Variants in PRKG1 observed in about 807,000 individuals in gnomAD.
PRKG1 encodes cGMP-dependent protein kinase 1.
Under a neutral mutation model 88.1 loss-of-function variants are expected in PRKG1, and 35 were observed. The ratio of observed to expected loss-of-function variants is 0.40; its 90% CI spans 0.30 to 0.53. The LOEUF is 0.53. PRKG1 is among the 20% of genes least tolerant of loss of function. The probability of loss-of-function intolerance (pLI) is 0.59; values close to 1 mark genes in which losing one functional copy is unlikely to be tolerated. For missense variants in PRKG1, 540 were observed against 839.8 expected, an observed-to-expected ratio of 0.64 and a Z score of 4.41; for synonymous variants, 303 against 292.5, an observed-to-expected ratio of 1.04 and a Z score of -0.37.
intron 9 of PRKG1, among the ~76,000 whole-genome samples, chr10:52,165,885 T>G (rs1838421590): frequency 6.6e-6 from 1 of 152,204 alleles, no homozygotes; most frequent in Non-Finnish European, 1.5e-5. Flanking sequence ...AGGTAGATAG[T>G]CTAGGAAGAT....
chr10:51,846,658 A>G (rs767277693), intron 4 of PRKG1, among the ~76,000 whole-genome samples: 1 of 152,152 alleles, frequency 6.6e-6, no homozygotes, highest in Non-Finnish European at 1.5e-5. Context: ...CTGAATACCT[A>G]TGAATGTTAG....
rs138485549 is a variant in PRKG1, at chr10:52,133,884, C to A, written c.980C>A (p.Thr327Asn). Residue 327 changes from threonine (T) to asparagine (N), a missense_variant, in exon 8 of 18, where the codon ACC becomes AAC. Physicochemically the swap from Thr to Asn is moderately conservative, Grantham distance 65. This residue lies in a region of PRKG1 where 400 missense variants were observed against 562.7 expected (regional missense o/e 0.71). Coordinates refer to ENST00000373980, the MANE Select transcript of PRKG1 (RefSeq NM_006258.4). ...AACGTAATTGCTGCAGAAGCTGTAA[C>A]CTGCCTTGTGATTGACAGAGAGTAA... is the stretch of plus-strand genomic sequence containing the variant. ...TANVIAAEAVTCLVIDRDSFK... is the reference protein window; with the variant it reads ...TANVIAAEAVNCLVIDRDSFK... 8.1e-5 allele frequency: 131 copies of A among 1,612,908 alleles called. No individual in the cohort carries two copies. Among genetic ancestry groups the A allele is most frequent in the Middle Eastern group, 3.3e-4 (2 of 6,076 alleles).
intron 3 of PRKG1, among the ~76,000 whole-genome samples, chr10:51,670,990 G>T (rs1230289238): frequency 6.6e-6 from 1 of 151,794 alleles, no homozygotes; most frequent in Non-Finnish European, 1.5e-5. Context: ...TGTTTGCTTA[G>T]ATTTCCTGTA....
intron 3 of PRKG1, among the ~76,000 whole-genome samples, chr10:51,615,656 G>GT (rs1302874450): frequency 1.6e-5 from 2 of 125,878 alleles, no homozygotes; most frequent in African/African-American, 2.8e-5. Context: ...AACTCTGCTT[G>GT]GTTCTTTTTT....
intron 3 of PRKG1, among the ~76,000 whole-genome samples, chr10:51,630,403 C>T (rs997782437): frequency 2.0e-5 from 3 of 152,158 alleles, no homozygotes; most frequent in Non-Finnish European, 4.4e-5. Flanking sequence ...GAGAAGCAAC[C>T]TCTTTGACCT....
At chr10:52,166,047 G>C (rs957584020) in intron 9 of PRKG1, among the ~76,000 whole-genome samples, 1 of 152,146 alleles carries the variant, frequency 6.6e-6, no homozygotes, top group Non-Finnish European at 1.5e-5. Flanking sequence ...AGCTTCTCTT[G>C]ATTGTTGCTA....
At chr10:51,040,414 G>A (rs1314571640) in intron 1 of PRKG1, among the ~76,000 whole-genome samples, 2 of 145,756 alleles carry the variant, frequency 1.4e-5, no homozygotes, top group Admixed American at 7.1e-5. Flanking sequence ...CGCCTTCCGG[G>A]CTCAAGCAAT....
At chr10:51,282,603 T>C (rs947602494) in intron 2 of PRKG1, among the ~76,000 whole-genome samples, 1 of 152,196 alleles carries the variant, frequency 6.6e-6, no homozygotes, top group Non-Finnish European at 1.5e-5. Context: ...TGGGAGACCT[T>C]TTAAATAATA....
At chr10:51,947,219 G>T (rs1029703289) in intron 5 of PRKG1, among the ~76,000 whole-genome samples, 3 of 152,102 alleles carry the variant, frequency 2.0e-5, no homozygotes, top group Non-Finnish European at 4.4e-5. Flanking sequence ...ATCTCAGACT[G>T]CTGTGCTAGC....
intron 3 of PRKG1, among the ~76,000 whole-genome samples, chr10:51,589,681 A>C (rs763101483): frequency 1.1e-4 from 17 of 152,180 alleles, no homozygotes; most frequent in Non-Finnish European, 2.4e-4. Context: ...TTACAGTATA[A>C]AATGGATATT....
At chr10:52,068,736 G>GT (rs1373677752) in intron 7 of PRKG1, among the ~76,000 whole-genome samples, 1 of 152,120 alleles carries the variant, frequency 6.6e-6, no homozygotes, top group East Asian at 1.9e-4. Flanking sequence ...ACTTGATAAA[G>GT]TTTAGTGTAC....
chr10:52,104,028 G>A (rs1162317734), intron 7 of PRKG1, among the ~76,000 whole-genome samples: 3 of 146,460 alleles, frequency 2.0e-5, no homozygotes, highest in Non-Finnish European at 3.0e-5. Flanking sequence ...TATATATAAT[G>A]AGATATATAT....
At chr10:51,206,578 C>G (rs776001094) in intron 2 of PRKG1, among the ~76,000 whole-genome samples, 4 of 151,864 alleles carry the variant, frequency 2.6e-5, no homozygotes, top group Non-Finnish European at 5.9e-5. Context: ...TTAGGCCAAA[C>G]ATACACTTCC....
At chr10:51,240,832 G>T (rs1021261506) in intron 2 of PRKG1, among the ~76,000 whole-genome samples, 1 of 152,118 alleles carries the variant, frequency 6.6e-6, no homozygotes, top group African/African-American at 2.4e-5. Flanking sequence ...GACCTCTTAG[G>T]GATCTAAGGA....
chr10:51,698,469 C>A, intron 3 of PRKG1: 1 of 1,614,086 alleles, frequency 6.2e-7, no homozygotes, highest in Non-Finnish European at 8.5e-7. Flanking sequence ...ATGGGGGGAC[C>A]CTGATGGGGT....
intron 1 of PRKG1, among the ~76,000 whole-genome samples, chr10:51,132,032 C>A (rs1417102420): frequency 2.6e-5 from 4 of 151,992 alleles, no homozygotes; most frequent in Non-Finnish European, 5.9e-5. Context: ...CCCAGCCCAC[C>A]CCTCTGTCTT....
chr10:51,938,223 TAA>T (rs1842835646), intron 5 of PRKG1, among the ~76,000 whole-genome samples: 1 of 152,094 alleles, frequency 6.6e-6, no homozygotes, highest in South Asian at 2.1e-4. Context: ...CATATACACG[TAA>T]GTTTTATTAA....
In PRKG1 at chr10:51,656,749, T is replaced by C. The variant is rs61851529; in HGVS notation, c.593-147836T>C. 6.5e-3 allele frequency among the ~76,000 whole-genome samples: 985 copies of C among 152,270 alleles called. 5 individuals carry two copies. Among genetic ancestry groups the C allele is most frequent in the Non-Finnish European group, 0.01 (714 of 68,024 alleles). ...GCCCTCTTATCTCTTCAGAGTAGTA[T>C]TCATTTTCCTTCCTCAAGATACTCA... On this transcript the variant is annotated intron_variant, in intron 3 of 17. Coordinates refer to ENST00000373980, the MANE Select transcript of PRKG1 (RefSeq NM_006258.4).
Position 52,142,193 on chromosome 10 carries a change from G to A in PRKG1, c.1001+8288G>A, listed in dbSNP as rs375813319. 1.1e-4 allele frequency among the ~76,000 whole-genome samples: 17 copies of A among 152,220 alleles called. No homozygotes were observed. The East Asian group carries it at 3.1e-3, about 28-fold the overall frequency. ...CCCAGAAGGAGTGTGGATTGTCCAA[G>A]CTCTTTAATGTTAAGGGTGGGATTA... is the stretch of plus-strand genomic sequence containing the variant. On this transcript the variant is annotated intron_variant, in intron 8 of 17. Transcript: ENST00000373980.
Sources: allele counts gnomAD v4.1 joint callset (sites outside exome capture counted in the v4.1 genomes callset), GRCh38; gene constraint gnomAD v4.1.1; regional missense constraint gnomAD v4.1.1; transcripts MANE v1.5; gene names NCBI Gene and HGNC (gene_info 2026-07-23, HGNC 2026-07-21).